Variants in SCLT1 observed in about 807,000 individuals in gnomAD.
The protein encoded by SCLT1 is sodium channel-associated protein 1.
SCLT1 carries 78 observed loss-of-function variants against 112.8 expected under a neutral mutation model. The ratio of observed to expected loss-of-function variants is 0.69; its 90% confidence interval spans 0.58 to 0.83. The LOEUF is 0.83. Ranked by LOEUF, SCLT1 falls within the 40% of genes least tolerant of loss-of-function variation. The probability of loss-of-function intolerance (pLI) is 0.00; values close to 1 mark genes in which losing one functional copy is unlikely to be tolerated. For synonymous variants in SCLT1, 257 were observed against 254.7 expected (o/e 1.01, Z -0.09); for missense variants, 747 against 770.4 (o/e 0.97, Z 0.36).
intron 2 of SCLT1, among the ~76,000 whole-genome samples, chr4:129,076,679 A>G (rs1350065212): frequency 6.9e-6 from 1 of 144,048 alleles, no homozygotes; most frequent in African/African-American, 2.5e-5. Context: ...AAAAAAAGCA[A>G]GTATTCAAGA....
rs748697531 is a variant in SCLT1 at position 128,943,169 on chromosome 4, G to A, written c.1459C>T (p.Arg487Cys). ...LETDSSEEISRYQEMIQKLQN... is the reference protein window; with the variant it reads ...LETDSSEEISCYQEMIQKLQN... ...AGTTTCTGAATCATTTCTTGGTAACGTGATATTTCTTCTGAGGAGCTGATT... is the reference window on the plus strand; with the variant it reads ...AGTTTCTGAATCATTTCTTGGTAACATGATATTTCTTCTGAGGAGCTGATT... The change falls in exon 17 of 21, where the codon CGT becomes TGT. Residue 487 changes from arginine to cysteine, a missense_variant. This residue lies in a region of SCLT1 where 723 missense variants were observed against 721.3 expected (regional missense o/e 1.00). Transcript: ENST00000281142. The A allele has an allele frequency of 1.2e-5, 20 of 1,607,566 alleles. No individual in the cohort carries two copies. Among genetic ancestry groups the A allele is most frequent in the Admixed American group, 3.4e-5 (2 of 59,000 alleles).
chr4:129,068,232 A>G (rs967600849), intron 2 of SCLT1, among the ~76,000 whole-genome samples: 3 of 151,996 alleles, frequency 2.0e-5, no homozygotes, highest in African/African-American at 7.2e-5. Flanking sequence ...GTGTGTGTAT[A>G]TATCAGTAGT....
chr4:128,997,629 TAGTC>T (rs1560943278), intron 8 of SCLT1, among the ~76,000 whole-genome samples: 1 of 151,874 alleles, frequency 6.6e-6, no homozygotes, highest in South Asian at 2.1e-4. Flanking sequence ...CTGTCTAGAT[TAGTC>T]TAAGGAGACC....
At chr4:128,975,790 C>T (rs1741118804) in intron 9 of SCLT1, among the ~76,000 whole-genome samples, 1 of 152,112 alleles carries the variant, frequency 6.6e-6, no homozygotes, top group African/African-American at 2.4e-5. Context: ...AAGTTCTAAA[C>T]TTTTAAAATC....
Position 128,965,247 on chromosome 4 carries a change from A to G in SCLT1, c.849T>C (p.Ser283=). 6.3e-7 allele frequency: 1 copy of G among 1,594,186 alleles called. No homozygotes were observed. The change falls in exon 11 of 21, where the codon AGT becomes AGC. Residue 283 remains serine (S), a synonymous_variant. Coordinates refer to ENST00000281142, the MANE Select transcript of SCLT1 (RefSeq NM_144643.4). ...TTTACCTTATTTCTAATTGTTTTAT[A>G]CTAGACTGTAACTGCTGTAAACGCC... The part of the protein sequence containing the change: ...SDRRLQQLQS[S]IKQLEIRLCV...
intron 9 of SCLT1, among the ~76,000 whole-genome samples, chr4:128,979,323 AG>A (rs1407070949): frequency 6.6e-6 from 1 of 152,126 alleles, no homozygotes; most frequent in Non-Finnish European, 1.5e-5. Context: ...TGATATTACC[AG>A]GTGGGGCCTT....
intron 2 of SCLT1, among the ~76,000 whole-genome samples, chr4:129,072,260 T>C (rs72926055): frequency 0.014 from 2,181 of 152,274 alleles, 46 homozygotes; most frequent in African/African-American, 0.044. Flanking sequence ...ATCTTAACTT[T>C]GGATAACCTG....
At position 128,965,239 on chromosome 4, in the gene SCLT1, T is replaced by C. The variant is rs1245213584; in HGVS notation, c.857A>G (p.Gln286Arg). ...TTTAACAATTTACCTTATTTCTAAT[T>C]GTTTTATACTAGACTGTAACTGCTG... ...RLQQLQSSIK[Q>R]LEIRLCVTIQ... Residue 286 changes from glutamine to arginine, a missense_variant, in exon 11 of 21, where the codon CAA becomes CGA. Physicochemically the swap from Gln to Arg is conservative, Grantham distance 43. Coordinates refer to ENST00000281142, the MANE Select transcript of SCLT1 (RefSeq NM_144643.4). 6.3e-7 allele frequency: 1 copy of C among 1,578,838 alleles called. No individual in the cohort carries two copies. The highest frequency in any genetic ancestry group is 1.3e-5 in the African/African-American group (1 of 74,076).
intron 8 of SCLT1, chr4:128,997,070 GTATAA>G (rs1243765972): frequency 6.6e-6 from 1 of 151,908 alleles, no homozygotes; most frequent in African/African-American, 2.4e-5. Flanking sequence ...ACTCTAAGAA[GTATAA>G]TATAGTATCA....
chr4:128,932,076 A>T (rs759604068), intron 18 of SCLT1, among the ~76,000 whole-genome samples: 2 of 151,820 alleles, frequency 1.3e-5, no homozygotes, highest in Non-Finnish European at 2.9e-5. Context: ...AGCATTTGCC[A>T]TATGTGGGAA....
chr4:128,954,626 GT>G (rs1442582259), intron 13 of SCLT1, among the ~76,000 whole-genome samples: 1 of 152,042 alleles, frequency 6.6e-6, no homozygotes, highest in Non-Finnish European at 1.5e-5. Flanking sequence ...TCTTTTAAAG[GT>G]TATAATTTGA....
chr4:129,014,212 G>T (rs947801052), intron 5 of SCLT1, among the ~76,000 whole-genome samples: 1 of 126,382 alleles, frequency 7.9e-6, no homozygotes, highest in Non-Finnish European at 1.8e-5. Flanking sequence ...CTCCTGCATT[G>T]TTTTATCATC....
chr4:128,894,589 C>T (rs1192992563), intron 18 of SCLT1, among the ~76,000 whole-genome samples: 1 of 152,148 alleles, frequency 6.6e-6, no homozygotes, highest in Non-Finnish European at 1.5e-5. Context: ...CACAAATCTA[C>T]TTCTCATCCT....
intron 11 of SCLT1, among the ~76,000 whole-genome samples, chr4:128,962,647 A>T (rs1739842063): frequency 6.6e-6 from 1 of 152,004 alleles, no homozygotes; most frequent in Admixed American, 6.5e-5. Context: ...CATAAGACCC[A>T]CCTCCATCCC....
intron 1 of SCLT1, among the ~76,000 whole-genome samples, chr4:129,090,697 C>A (rs1752755591): frequency 6.6e-6 from 1 of 152,140 alleles, no homozygotes; most frequent in South Asian, 2.1e-4. Context: ...GTCTCACACC[C>A]CACTAATGAA....
At chr4:129,054,480 A>G (rs1749162228) in intron 2 of SCLT1, among the ~76,000 whole-genome samples, 2 of 151,740 alleles carry the variant, frequency 1.3e-5, no homozygotes, top group South Asian at 4.2e-4. Flanking sequence ...TCTTGTCTCT[A>G]TGCCTTATTT....
At chr4:128,972,628 T>C (rs1179597363) in intron 9 of SCLT1, among the ~76,000 whole-genome samples, 1 of 152,148 alleles carries the variant, frequency 6.6e-6, no homozygotes, top group Non-Finnish European at 1.5e-5. Context: ...ATTCTAGAAT[T>C]AGATTCTTTC....
chr4:128,997,952 G>T lies in SCLT1; in HGVS notation c.550-13C>A. ...CAAATAGCTGATCCTACAGTGGGAA[G>T]GTAAGGGGAGTATATAAATAGCATT... On this transcript the variant is annotated splice_polypyrimidine_tract_variant and intron_variant, in intron 7 of 20. Transcript: ENST00000281142. 7.1e-7 allele frequency: 1 copy of T among 1,402,170 alleles called. No individual in the cohort carries two copies. Among genetic ancestry groups the T allele is most frequent in the Non-Finnish European group, 9.6e-7 (1 of 1,046,772 alleles). 86.9% of individuals were successfully genotyped at this position (1,402,170 alleles called of 1,614,324 possible).
At chr4:129,049,082 G>T (rs1748489777) in intron 2 of SCLT1, among the ~76,000 whole-genome samples, 2 of 151,814 alleles carry the variant, frequency 1.3e-5, no homozygotes, top group African/African-American at 4.8e-5. Flanking sequence ...CGATTCCTCA[G>T]GGATCTAGAA....
Sources: allele counts gnomAD v4.1 joint callset (sites outside exome capture counted in the v4.1 genomes callset), GRCh38; gene constraint gnomAD v4.1.1; regional missense constraint gnomAD v4.1.1; transcripts MANE v1.5; gene names NCBI Gene and HGNC (gene_info 2026-07-23, HGNC 2026-07-21).